KCNH8: variants seen among roughly 807,000 people sequenced by gnomAD.
The protein encoded by KCNH8 is voltage-gated delayed rectifier potassium channel KCNH8.
Under a neutral mutation model 103.6 loss-of-function variants are expected in KCNH8, and 70 were observed. The observed-to-expected ratio is 0.68, with a 90% confidence interval of 0.56 to 0.82. The LOEUF (loss-of-function observed/expected upper bound fraction) is 0.82, where lower values mean the gene tolerates loss of function less well. Among genes scored for constraint, KCNH8 ranks in the 40% least tolerant of loss-of-function variants. KCNH8 has a pLI of 0.00. For missense variants in KCNH8, 1,217 were observed against 1,329.9 expected, an observed-to-expected ratio of 0.92 and a Z score of 1.32; for synonymous variants, 498 against 489.4, an observed-to-expected ratio of 1.02 and a Z score of -0.23.
intron 7 of KCNH8, among the ~76,000 whole-genome samples, chr3:19,399,587 T>A (rs2066578439): frequency 6.6e-6 from 1 of 151,888 alleles, no homozygotes; most frequent in Non-Finnish European, 1.5e-5. Context: ...AGATTTGTTG[T>A]CTATGAGTGT....
chr3:19,465,931 T>G (rs964779637), intron 11 of KCNH8, among the ~76,000 whole-genome samples: 1 of 152,042 alleles, frequency 6.6e-6, no homozygotes, highest in East Asian at 1.9e-4. Flanking sequence ...CTTCTTTATT[T>G]TATTTTATTT....
intron 1 of KCNH8, among the ~76,000 whole-genome samples, chr3:19,234,414 C>A (rs2064035381): frequency 1.3e-5 from 2 of 152,220 alleles, no homozygotes; most frequent in South Asian, 2.1e-4. Context: ...GGCTGCAGGT[C>A]CCGAGCCCTG....
rs181788832 is a variant in KCNH8, at chr3:19,422,124, T to C, written c.1178-16040T>C. ...GGTCAAAATATCCTCCTTCAGATAT[T>C]AGACACCTCAGTGGAACAAATAAGA... On this transcript the variant is annotated intron_variant, in intron 7 of 15. Transcript: ENST00000328405. 5.6e-3 allele frequency among the ~76,000 whole-genome samples: 850 copies of C among 152,208 alleles called. 5 individuals are homozygous for C. Among genetic ancestry groups the C allele is most frequent in the African/African-American group, 0.019 (795 of 41,554 alleles).
intron 7 of KCNH8, among the ~76,000 whole-genome samples, chr3:19,412,428 C>T (rs2066794703): frequency 6.6e-6 from 1 of 151,970 alleles, no homozygotes; most frequent in African/African-American, 2.4e-5. Context: ...AGACCTCAAA[C>T]TATAATAATT....
intron 1 of KCNH8, among the ~76,000 whole-genome samples, chr3:19,181,106 T>G (rs1198827338): frequency 6.6e-6 from 1 of 152,170 alleles, no homozygotes; most frequent in Non-Finnish European, 1.5e-5. Flanking sequence ...TTTTTATTTG[T>G]CAAAGCCTAT....
At chr3:19,390,430 ATTC>A in intron 5 of KCNH8, 48 bp from the exon 6 acceptor site, 1 of 1,352,130 alleles carries the variant, frequency 7.4e-7, no homozygotes, top group Middle Eastern at 1.9e-4. Flanking sequence ...TACCTTCTTT[ATTC>A]TTCTCTGTCT....
chr3:19,207,132 G>A (rs916938935), intron 1 of KCNH8, among the ~76,000 whole-genome samples: 3 of 151,788 alleles, frequency 2.0e-5, no homozygotes, highest in South Asian at 2.1e-4. Context: ...CAAGTGGGCC[G>A]GCAATTGAAC....
At chr3:19,465,384 C>G (rs1047664020) in intron 11 of KCNH8, among the ~76,000 whole-genome samples, 2 of 151,978 alleles carry the variant, frequency 1.3e-5, no homozygotes, top group African/African-American at 4.8e-5. Context: ...TATTTTAAGC[C>G]CACTGTTGAG....
chr3:19,445,224 A>T (rs918764924), intron 8 of KCNH8, among the ~76,000 whole-genome samples: 23 of 152,028 alleles, frequency 1.5e-4, no homozygotes, highest in African/African-American at 5.5e-4. Context: ...GACGAAAAAA[A>T]GTACATATTT....
chr3:19,506,234 C>T (rs1380005791), intron 11 of KCNH8, among the ~76,000 whole-genome samples: 1 of 152,156 alleles, frequency 6.6e-6, no homozygotes, highest in South Asian at 2.1e-4. Context: ...GCCACTCTGG[C>T]TTTTTGAGCT....
rs536248123 is a variant in KCNH8, at chr3:19,509,677, G to T, written c.2041-686G>T. Among the ~76,000 whole-genome samples, 11 of 152,240 alleles carry T rather than the reference G, an allele frequency of 7.2e-5. 1 individual carries two copies. The South Asian group carries it at 1.9e-3, about 26-fold the overall frequency. ...ATTTAAATCTGTCTTACAATTGATG[G>T]TATATCAACACTGATTGGCAGCAGT... On this transcript the variant is annotated intron_variant, in intron 11 of 15. Coordinates refer to ENST00000328405, the MANE Select transcript of KCNH8 (RefSeq NM_144633.3).
In KCNH8 at chr3:19,168,703, T is replaced by C. The variant is rs116571473; in HGVS notation, c.76+19908T>C. 2.5e-3 allele frequency among the ~76,000 whole-genome samples: 388 copies of C among 152,300 alleles called. 1 individual carries two copies. The highest frequency in any genetic ancestry group is 9.0e-3 in the African/African-American group (373 of 41,562). On this transcript the variant is annotated intron_variant, in intron 1 of 15. Transcript: ENST00000328405. ...TCTGAGTGTTTGAATGTCTTCCCAT[T>C]CGTGTAACTATCGTTTTCAAATATG... is the stretch of plus-strand genomic sequence containing the variant.
At chr3:19,439,979 A>T (rs1298317069) in intron 8 of KCNH8, among the ~76,000 whole-genome samples, 1 of 151,974 alleles carries the variant, frequency 6.6e-6, no homozygotes, top group Admixed American at 6.6e-5. Context: ...GAGATAAAGG[A>T]TGGAAGGCAG....
intron 5 of KCNH8, among the ~76,000 whole-genome samples, chr3:19,371,442 C>A (rs1333296693): frequency 2.0e-5 from 3 of 149,938 alleles, no homozygotes; most frequent in Non-Finnish European, 4.5e-5. Context: ...CCTTCGCCCA[C>A]TTTTTGATGG....
At chr3:19,390,801 G>C (rs1309999283) in intron 6 of KCNH8, among the ~76,000 whole-genome samples, 163 bp downstream of exon 6, 1 of 152,132 alleles carries the variant, frequency 6.6e-6, no homozygotes, top group Non-Finnish European at 1.5e-5. Context: ...TTCAGTTGAT[G>C]AAGTTACTTC....
chr3:19,353,275 T>C (rs1438481047), intron 5 of KCNH8, among the ~76,000 whole-genome samples: 1 of 152,098 alleles, frequency 6.6e-6, no homozygotes, highest in African/African-American at 2.4e-5. Context: ...CCAGGACAGA[T>C]GGATTCACAG....
chr3:19,248,880 G>A (rs2064240448), intron 1 of KCNH8, among the ~76,000 whole-genome samples: 1 of 152,136 alleles, frequency 6.6e-6, no homozygotes, highest in Non-Finnish European at 1.5e-5. Flanking sequence ...CTCCATATTA[G>A]GAGATCAGAC....
intron 3 of KCNH8, among the ~76,000 whole-genome samples, chr3:19,331,249 T>TTTTA (rs71055062): frequency 0.14 from 20,124 of 144,442 alleles, 1,925 homozygotes; most frequent in African/African-American, 0.27. Flanking sequence ...CTTTAATTAT[T>TTTTA]TTTATTTATT....
At chr3:19,174,675 C>T (rs2122380) in intron 1 of KCNH8, among the ~76,000 whole-genome samples, 9,152 of 152,150 alleles carry the variant, frequency 0.06, 955 homozygotes, top group African/African-American at 0.21. Context: ...ATTTACTACA[C>T]GCTTTTGGAT....
Sources: gnomAD v4.1 joint callset for allele counts (sites outside exome capture counted in the v4.1 genomes callset) on GRCh38, gnomAD v4.1.1 for gene constraint, MANE v1.5 for transcripts, NCBI Gene and HGNC (gene_info 2026-07-23, HGNC 2026-07-21) for gene names.